Variants in CTTNBP2 observed in about 807,000 individuals in gnomAD.
The protein encoded by CTTNBP2 is cortactin binding protein 2.
Under a neutral mutation model 156.9 loss-of-function variants are expected in CTTNBP2, and 108 were observed. The observed-to-expected ratio is 0.69, with a 90% CI of 0.59 to 0.81. The LOEUF (loss-of-function observed/expected upper bound fraction) is 0.81, where lower values mean the gene tolerates loss of function less well. CTTNBP2 is among the 30% of genes least tolerant of loss of function. The pLI is 0.00. For synonymous variants in CTTNBP2, 767 were observed against 751.8 expected, an observed-to-expected ratio of 1.02 and a Z score of -0.33; for missense variants, 1,924 against 2,035.4, an observed-to-expected ratio of 0.95 and a Z score of 1.05.
chr7:117,815,541 A>G (rs1800526751), intron 2 of CTTNBP2, among the ~76,000 whole-genome samples: 1 of 152,198 alleles, frequency 6.6e-6, no homozygotes, highest in South Asian at 2.1e-4. Flanking sequence ...CAATTATCTA[A>G]CCAGGAACTT....
intron 20 of CTTNBP2, 118 bp downstream of exon 20, chr7:117,720,949 T>C: frequency 1.3e-6 from 1 of 756,262 alleles, no homozygotes; most frequent in Non-Finnish European, 2.3e-6. Flanking sequence ...TATAACTTTT[T>C]TAAAACCATA....
At position 117,792,010 on chromosome 7, in the gene CTTNBP2, T is replaced by C; in HGVS notation, c.1186A>G (p.Ser396Gly). The change falls in exon 4 of 23, where the codon AGT (serine) becomes GGT (glycine). Residue 396 changes from serine (S) to glycine (G), a missense_variant. By Grantham distance (56) the Ser-to-Gly change is moderately conservative. Coordinates refer to ENST00000160373, the MANE Select transcript of CTTNBP2 (RefSeq NM_033427.3). The surrounding 1 kb of genome is among the most constrained non-coding windows in gnomAD (Gnocchi z 4.2). ...TTACTGGGAAGTGGGGGTGTGCTAC[T>C]GGTTGGATCTGGTGTTGAGCCAGTG... Reference protein sequence around the residue: ...PSTGSTPDPTSSTPPLPSNAA... With the variant: ...PSTGSTPDPTGSTPPLPSNAA... The C allele has an allele frequency of 6.2e-7, 1 of 1,614,124 alleles. No individual in the cohort carries two copies. The highest frequency in any genetic ancestry group is 1.1e-5 in the South Asian group (1 of 91,074).
chr7:117,778,505 G>C (rs1445636588), intron 7 of CTTNBP2, among the ~76,000 whole-genome samples: 2 of 152,178 alleles, frequency 1.3e-5, no homozygotes, highest in Non-Finnish European at 2.9e-5. Context: ...TGATTCTCAG[G>C]TGTGGTCCCC....
intron 9 of CTTNBP2, among the ~76,000 whole-genome samples, chr7:117,766,128 G>A (rs1023536119): frequency 6.6e-6 from 1 of 152,136 alleles, no homozygotes; most frequent in Non-Finnish European, 1.5e-5. Context: ...AGTGTTCCAT[G>A]TTTGTTCTTA....
At chr7:117,760,763 A>G in intron 9 of CTTNBP2, 53 bp from the exon 10 acceptor site, 1 of 1,237,988 alleles carries the variant, frequency 8.1e-7, no homozygotes, top group South Asian at 1.4e-5. Flanking sequence ...CAGAAAAAAA[A>G]AGTAAAACTA....
chr7:117,804,975 A>G (rs568040259), intron 3 of CTTNBP2, among the ~76,000 whole-genome samples: 1 of 152,326 alleles, frequency 6.6e-6, no homozygotes, highest in East Asian at 1.9e-4. Context: ...ACCCATTTCA[A>G]GCAAAATCTT....
At chr7:117,829,816 C>G (rs1372124138) in intron 2 of CTTNBP2, among the ~76,000 whole-genome samples, 1 of 152,202 alleles carries the variant, frequency 6.6e-6, no homozygotes, top group East Asian at 1.9e-4. Flanking sequence ...ATGAGGCATC[C>G]TGATAGTTTG....
intron 1 of CTTNBP2, chr7:117,871,793 CCA>C (rs10545703): frequency 0.56 from 118,735 of 212,442 alleles, 38,161 homozygotes; most frequent in African/African-American, 0.81. Flanking sequence ...AAGAAACACA[CCA>C]CACACACACA....
intron 21 of CTTNBP2, 82 bp from the exon 22 acceptor site, chr7:117,718,201 C>A (rs1030189024): frequency 6.1e-6 from 5 of 825,650 alleles, no homozygotes; most frequent in Non-Finnish European, 8.2e-6. Context: ...GTGGAGAAAT[C>A]ACAGCAGAAG....
At chr7:117,742,106 T>C (rs1478553810) in intron 14 of CTTNBP2, among the ~76,000 whole-genome samples, 1 of 152,218 alleles carries the variant, frequency 6.6e-6, no homozygotes, top group Non-Finnish European at 1.5e-5. Context: ...AAGCAGTGAA[T>C]CACAGAAGCG....
In CTTNBP2 at chr7:117,772,964, C is replaced by T. The variant is rs142925576; in HGVS notation, c.2778+4547G>A. Reference sequence around the variant, plus strand: ...AAAGGATTCAGTACTCTTCACTGAACATTACAGGGAATGAGTATAAAAAGG... The same window carrying T: ...AAAGGATTCAGTACTCTTCACTGAATATTACAGGGAATGAGTATAAAAAGG... On this transcript the variant is annotated intron_variant, in intron 8 of 22. Transcript: ENST00000160373. Among the ~76,000 whole-genome samples, 12 of 151,966 alleles carry T rather than the reference C, an allele frequency of 7.9e-5. No individual in the cohort carries two copies. In the East Asian group the frequency reaches 2.1e-3, roughly 27 times the overall value.
At position 117,836,517 on chromosome 7, in the gene CTTNBP2, C is replaced by T. The variant is rs192340313; in HGVS notation, c.189+24692G>A. 3.1e-3 allele frequency among the ~76,000 whole-genome samples: 465 copies of T among 152,222 alleles called. 9 individuals are homozygous for T. Among genetic ancestry groups the T allele is most frequent in the Admixed American group, 0.017 (256 of 15,288 alleles). The stretch of plus-strand genomic sequence containing the variant: ...GGCGGAGCTGGCAGTGAGCTGAGAT[C>T]GCGCCACTGCACTCCAGCCTGGGCG... On this transcript the variant is annotated intron_variant, in intron 2 of 22. Coordinates refer to ENST00000160373, the MANE Select transcript of CTTNBP2 (RefSeq NM_033427.3).
At chr7:117,853,353 G>A (rs1214216011) in intron 2 of CTTNBP2, among the ~76,000 whole-genome samples, 3 of 152,136 alleles carry the variant, frequency 2.0e-5, no homozygotes, top group Non-Finnish European at 4.4e-5. Flanking sequence ...CTTATGCAAA[G>A]TTGAAAATAA....
At chr7:117,810,391 G>A (rs1800202452) in intron 3 of CTTNBP2, among the ~76,000 whole-genome samples, 1 of 152,164 alleles carries the variant, frequency 6.6e-6, no homozygotes, top group Non-Finnish European at 1.5e-5. Context: ...AGTAAGTTGG[G>A]ATGTTACTAT....
At chr7:117,868,723 C>A (rs1046544575) in intron 1 of CTTNBP2, among the ~76,000 whole-genome samples, 1 of 152,164 alleles carries the variant, frequency 6.6e-6, no homozygotes, top group South Asian at 2.1e-4. Flanking sequence ...CAAAGGAGCA[C>A]CAACAGAGAA....
intron 22 of CTTNBP2, among the ~76,000 whole-genome samples, chr7:117,713,179 G>A (rs998565547): frequency 5.9e-5 from 9 of 152,186 alleles, no homozygotes; most frequent in African/African-American, 2.4e-5. Context: ...TGTCTTCCAC[G>A]AAACCAGTCT....
chr7:117,789,010 T>C (rs1189005121), intron 4 of CTTNBP2, among the ~76,000 whole-genome samples: 1 of 152,204 alleles, frequency 6.6e-6, no homozygotes, highest in Non-Finnish European at 1.5e-5. Context: ...GTCTATATTG[T>C]CTTTTGCTCT....
At chr7:117,853,032 T>C (rs1428251707) in intron 2 of CTTNBP2, among the ~76,000 whole-genome samples, 4 of 152,118 alleles carry the variant, frequency 2.6e-5, no homozygotes, top group Non-Finnish European at 4.4e-5. Context: ...GGATAAGAAA[T>C]AATGCCTATG....
intron 2 of CTTNBP2, among the ~76,000 whole-genome samples, chr7:117,815,106 T>C (rs573625878): frequency 6.6e-6 from 1 of 152,368 alleles, no homozygotes; most frequent in African/African-American, 2.4e-5. Context: ...ATGCATTTAT[T>C]TGTGTATATT....
Sources: gnomAD v4.1 joint callset for allele counts (sites outside exome capture counted in the v4.1 genomes callset) on GRCh38, gnomAD v4.1.1 for gene constraint, Gnocchi (gnomAD v3.1) non-coding constraint, MANE v1.5 for transcripts, NCBI Gene and HGNC (gene_info 2026-07-23, HGNC 2026-07-21) for gene names.